Variants in GRM8 observed in about 807,000 individuals in gnomAD.
GRM8 encodes the protein glutamate metabotropic receptor 8.
In GRM8, 47 loss-of-function variants were observed where a neutral mutation model predicts 87.2. That is an observed-to-expected ratio of 0.54 (90% confidence interval 0.43 to 0.69). GRM8 has a LOEUF of 0.69. GRM8 is among the 30% of genes least tolerant of loss of function. GRM8 has a pLI of 0.00. For synonymous variants in GRM8, 396 were observed against 404.5 expected, an observed-to-expected ratio of 0.98 and a Z score of 0.25; for missense variants, 1,019 against 1,139.2, an observed-to-expected ratio of 0.89 and a Z score of 1.52.
intron 3 of GRM8, among the ~76,000 whole-genome samples, chr7:127,050,046 C>T (rs947832886): frequency 1.3e-5 from 2 of 152,198 alleles, no homozygotes; most frequent in Admixed American, 6.5e-5. Context: ...CAATGAGATG[C>T]CACTTAGGAA....
intron 8 of GRM8, among the ~76,000 whole-genome samples, chr7:126,560,695 A>G (rs1793602095): frequency 6.6e-6 from 1 of 152,236 alleles, no homozygotes; most frequent in Admixed American, 6.5e-5. Flanking sequence ...CAATAATTCT[A>G]TAAATATCAT....
At chr7:127,125,783 C>A (rs530256080) in intron 2 of GRM8, among the ~76,000 whole-genome samples, 3 of 151,400 alleles carry the variant, frequency 2.0e-5, no homozygotes, top group Admixed American at 2.0e-4. Flanking sequence ...CACACACACA[C>A]ACACACACAC....
Position 126,770,039 on chromosome 7 carries a change from A to G in GRM8, c.1183T>C (p.Ser395Pro), listed in dbSNP as rs1364645383. 5.6e-6 allele frequency: 9 copies of G among 1,612,370 alleles called. No individual in the cohort carries two copies. The highest frequency in any genetic ancestry group is 7.6e-6 in the Non-Finnish European group (9 of 1,179,052). ...TGGACCTTTCCTTCCTGTTCATAAG[A>G]TGAATCCCGAGCAATTCGCTCCAGC... is the stretch of plus-strand genomic sequence containing the variant. ...TGLERIARDS[S>P]YEQEGKVQFV... Residue 395 changes from serine to proline, a missense_variant, in exon 7 of 11, where the codon TCT (serine) becomes CCT (proline). Ser to Pro is a moderately conservative substitution (Grantham distance 74). Transcript: ENST00000339582.
intron 3 of GRM8, among the ~76,000 whole-genome samples, chr7:126,989,555 T>C (rs1812428944): frequency 6.6e-6 from 1 of 152,198 alleles, no homozygotes; most frequent in Non-Finnish European, 1.5e-5. Context: ...GTCAGGTTCT[T>C]GTTCCTCTTT....
At chr7:126,600,347 A>T (rs999047940) in intron 8 of GRM8, among the ~76,000 whole-genome samples, 49 of 152,140 alleles carry the variant, frequency 3.2e-4, no homozygotes, top group Non-Finnish European at 6.2e-4. Context: ...CAGATGTGAA[A>T]CCTGCCTATA....
At chr7:127,157,445 T>G (rs559348833) in intron 2 of GRM8, among the ~76,000 whole-genome samples, 2 of 152,170 alleles carry the variant, frequency 1.3e-5, no homozygotes, top group African/African-American at 2.4e-5. Flanking sequence ...AAATTGTTAT[T>G]AATTGCATAA....
chr7:126,505,346 T>C (rs1330367668), intron 9 of GRM8, among the ~76,000 whole-genome samples: 1 of 152,070 alleles, frequency 6.6e-6, no homozygotes, highest in Non-Finnish European at 1.5e-5. Context: ...TTTAGCTCTT[T>C]CCATGGATTT....
chr7:127,100,767 C>T (rs1227591197), intron 3 of GRM8, among the ~76,000 whole-genome samples: 1 of 152,180 alleles, frequency 6.6e-6, no homozygotes, highest in Non-Finnish European at 1.5e-5. Flanking sequence ...CCACCTTGCC[C>T]TACACTTGAC....
At chr7:127,200,637 C>A (rs773466710) in intron 2 of GRM8, among the ~76,000 whole-genome samples, 14 of 152,168 alleles carry the variant, frequency 9.2e-5, no homozygotes, top group African/African-American at 2.2e-4. Context: ...CTTGCCTCCT[C>A]CAGTGTCTGG....
At chr7:126,849,910 T>C (rs903601357) in intron 6 of GRM8, among the ~76,000 whole-genome samples, 1 of 152,112 alleles carries the variant, frequency 6.6e-6, no homozygotes, top group African/African-American at 2.4e-5. Flanking sequence ...CACCATAATG[T>C]CCCCTCTCTA....
intron 6 of GRM8, among the ~76,000 whole-genome samples, chr7:126,888,478 C>A (rs756731387): frequency 6.6e-6 from 1 of 152,140 alleles, no homozygotes; most frequent in Non-Finnish European, 1.5e-5. Context: ...AAATATCGAA[C>A]AGGATGACCT....
intron 6 of GRM8, among the ~76,000 whole-genome samples, chr7:126,788,409 C>CAAAAAAAAAA (rs67131936): frequency 2.3e-3 from 25 of 10,776 alleles, no homozygotes; most frequent in East Asian, 5.8e-3. Context: ...GACTCCATCT[C>CAAAAAAAAAA]AAAAAAAAAA....
intron 2 of GRM8, among the ~76,000 whole-genome samples, chr7:127,209,904 A>C (rs971281082): frequency 6.6e-6 from 1 of 152,134 alleles, no homozygotes; most frequent in Non-Finnish European, 1.5e-5. Context: ...CCATGGCTCA[A>C]TGAGAGCTTC....
At chr7:126,809,064 C>T (rs1793046444) in intron 6 of GRM8, among the ~76,000 whole-genome samples, 1 of 152,148 alleles carries the variant, frequency 6.6e-6, no homozygotes, top group African/African-American at 2.4e-5. Flanking sequence ...AGAATCTGTT[C>T]CCTTGCGTAT....
intron 9 of GRM8, among the ~76,000 whole-genome samples, chr7:126,505,138 C>T (rs1014948599): frequency 6.6e-6 from 1 of 152,004 alleles, no homozygotes; most frequent in African/African-American, 2.4e-5. Context: ...TTCACTAGGA[C>T]TAAAATGGAT....
At chr7:127,033,550 G>A (rs914742281) in intron 3 of GRM8, among the ~76,000 whole-genome samples, 9 of 152,088 alleles carry the variant, frequency 5.9e-5, no homozygotes, top group Non-Finnish European at 8.8e-5. Flanking sequence ...TGAGAAAACT[G>A]AAGATTTAAA....
In GRM8 at chr7:126,718,317, TAGG is replaced by T. The variant is rs931572538; in HGVS notation, c.1357+51545_1357+51547del. Among the ~76,000 whole-genome samples, 424 of 152,178 alleles carry T rather than the reference TAGG, an allele frequency of 2.8e-3. 6 individuals are homozygous for T. Among genetic ancestry groups the T allele is most frequent in the African/African-American group, 9.7e-3 (403 of 41,502 alleles). On this transcript the variant is annotated intron_variant, in intron 7 of 10. Coordinates refer to ENST00000339582, the MANE Select transcript of GRM8 (RefSeq NM_000845.3). ...AGGGAAGGCTAAGCTTGTTCCATATTAGGAGGTTAAAAAAATGCGTACTTCAGT... is the reference window on the plus strand; with the variant it reads ...AGGGAAGGCTAAGCTTGTTCCATATTAGGTTAAAAAAATGCGTACTTCAGT...
intron 2 of GRM8, among the ~76,000 whole-genome samples, chr7:127,223,591 G>A (rs1797107252): frequency 2.6e-5 from 4 of 151,918 alleles, no homozygotes; most frequent in Admixed American, 2.6e-4. Flanking sequence ...GGCTGAGTGT[G>A]GAGGCTGGCC....
intron 3 of GRM8, among the ~76,000 whole-genome samples, chr7:126,957,507 A>T (rs1165870001): frequency 6.6e-6 from 1 of 152,164 alleles, no homozygotes; most frequent in African/African-American, 2.4e-5. Flanking sequence ...CGACCCCCGC[A>T]GGCTCAGAAG....
Sources: allele counts gnomAD v4.1 joint callset (sites outside exome capture counted in the v4.1 genomes callset), GRCh38; gene constraint gnomAD v4.1.1; transcripts MANE v1.5; gene names NCBI Gene and HGNC (gene_info 2026-07-23, HGNC 2026-07-21).